The following KAZN variants were observed in gnomAD, a reference collection of about 807,000 sequenced individuals.
KAZN encodes kazrin.
KAZN carries 40 observed loss-of-function variants against 87.4 expected under a neutral mutation model. That is an observed-to-expected ratio of 0.46 (90% CI 0.36 to 0.60). The LOEUF (loss-of-function observed/expected upper bound fraction) is 0.60, where lower values mean the gene tolerates loss of function less well. Among genes scored for constraint, KAZN ranks in the 20% least tolerant of loss-of-function variants. The pLI, the probability that KAZN is intolerant of heterozygous loss-of-function variation, is 0.00. For missense variants in KAZN, 898 were observed against 1,073.9 expected, an observed-to-expected ratio of 0.84 and a Z score of 2.29; for synonymous variants, 466 against 458.3, an observed-to-expected ratio of 1.02 and a Z score of -0.22.
In KAZN at chr1:14,711,341, C is replaced by CAA. The variant is rs544767393; in HGVS notation, c.226+112133_226+112134dup. Among the ~76,000 whole-genome samples the CAA allele has an allele frequency of 4.7e-3, 539 of 114,754 alleles. 6 individuals are homozygous for CAA. The highest frequency in any genetic ancestry group is 0.016 in the African/African-American group (519 of 32,066). 75.3% of individuals were successfully genotyped at this position (114,754 alleles called of 152,430 possible). ...GGGCAATATAGAAAGACTCTGTTTC[C>CAA]AAAAAAAAAAAAAAAATTGAGGGAA... On this transcript the variant is annotated intron_variant, in intron 1 of 14. Coordinates refer to ENST00000376030, the MANE Select transcript of KAZN (RefSeq NM_201628.3).
At position 14,286,422 on chromosome 1, in the gene KAZN, G is replaced by C. The variant is rs115479372; in HGVS notation, c.249+105830G>C. 5.2e-3 allele frequency among the ~76,000 whole-genome samples: 793 copies of C among 152,292 alleles called. 7 individuals carry two copies. Among genetic ancestry groups the C allele is most frequent in the African/African-American group, 0.018 (743 of 41,550 alleles). On this transcript the variant is annotated intron_variant, in intron 2 of 16. Transcript: ENST00000636203. ...GGGTCAGGACTTCAAGTGGCACTAA[G>C]GACAAGCCAGGCAAGAGGTCAGGCT...
intron 1 of KAZN, among the ~76,000 whole-genome samples, chr1:14,934,133 G>T (rs1660171891): frequency 6.6e-6 from 1 of 151,790 alleles, no homozygotes; most frequent in Non-Finnish European, 1.5e-5. Context: ...GGGATTACAG[G>T]CGTGAGCCAC....
chr1:15,066,385 G>T lies in KAZN; in HGVS notation c.1222+632G>T. The stretch of plus-strand genomic sequence containing the variant: ...TGGGACCAGACCCTGTCCTGGGGGT[G>T]CGCCCAAGTCACTTTAACCACAAAA... On this transcript the variant is annotated intron_variant, in intron 8 of 14. Transcript: ENST00000376030. The surrounding 1 kb of genome is among the most constrained non-coding windows in gnomAD (Gnocchi z 4.3). 1 of 984,670 alleles carries T rather than the reference G, an allele frequency of 1.0e-6. No individual in the cohort carries two copies. The highest frequency in any genetic ancestry group is 1.2e-6 in the Non-Finnish European group (1 of 829,890). The allele number at this position is 984,670 out of a possible 1,614,324, so 61.0% of individuals were successfully genotyped here.
chr1:14,473,542 G>A (rs150144387), intron 2 of KAZN, among the ~76,000 whole-genome samples: 384 of 151,426 alleles, frequency 2.5e-3, no homozygotes, highest in African/African-American at 8.9e-3. Context: ...CAGGAGAATC[G>A]CTTGAACCGG....
chr1:14,875,758 A>G (rs1409989508), intron 1 of KAZN, among the ~76,000 whole-genome samples: 2 of 152,160 alleles, frequency 1.3e-5, no homozygotes, highest in African/African-American at 2.4e-5. Flanking sequence ...CCTTCGCCCA[A>G]CCCTCCACAG....
At chr1:14,443,826 T>G (rs901186155) in intron 2 of KAZN, among the ~76,000 whole-genome samples, 1 of 152,220 alleles carries the variant, frequency 6.6e-6, no homozygotes, top group African/African-American at 2.4e-5. Flanking sequence ...TATAGCAGCA[T>G]TTTGCTATAA....
intron 1 of KAZN, among the ~76,000 whole-genome samples, chr1:14,946,975 G>A (rs978115063): frequency 6.6e-6 from 1 of 152,164 alleles, no homozygotes; most frequent in African/African-American, 2.4e-5. Flanking sequence ...AGCTAGACAC[G>A]GGAGAACCTG....
chr1:15,088,997 GCA>G lies in KAZN; in HGVS notation c.1223-5175_1223-5174del, dbSNP rs1256821502. ...CACTCACAAAGACACACAGGCACAC[GCA>G]CACACACGCTCACATTGCACACCAG... On this transcript the variant is annotated intron_variant, in intron 8 of 14. Coordinates refer to ENST00000376030, the MANE Select transcript of KAZN (RefSeq NM_201628.3). Among the ~76,000 whole-genome samples, 3 of 151,830 alleles carry G rather than the reference GCA, an allele frequency of 2.0e-5. No homozygotes were observed. In the East Asian group the frequency reaches 5.8e-4, roughly 30 times the overall value.
At position 14,203,638 on chromosome 1, in the gene KAZN, G is replaced by A. The variant is rs77513644; in HGVS notation, c.249+23046G>A. Among the ~76,000 whole-genome samples, 1,084 of 152,294 alleles carry A rather than the reference G, an allele frequency of 7.1e-3. 13 individuals carry two copies. Among genetic ancestry groups the A allele is most frequent in the African/African-American group, 0.025 (1,043 of 41,546 alleles). ...TTGACTCGAGAGTCCAGGGCCTTCTGAAAAGGTGGCCTTCACTAAAAACAA... is the reference window on the plus strand; with the variant it reads ...TTGACTCGAGAGTCCAGGGCCTTCTAAAAAGGTGGCCTTCACTAAAAACAA... On this transcript the variant is annotated intron_variant, in intron 2 of 16. Coordinates refer to the KAZN transcript ENST00000636203.
chr1:14,256,131 T>G (rs966853954), intron 2 of KAZN, among the ~76,000 whole-genome samples: 1 of 152,214 alleles, frequency 6.6e-6, no homozygotes, highest in Non-Finnish European at 1.5e-5. Context: ...AACCTATTAC[T>G]AAGTTCTTTT....
At chr1:14,502,023 T>C (rs1376970031) in intron 2 of KAZN, among the ~76,000 whole-genome samples, 1 of 152,202 alleles carries the variant, frequency 6.6e-6, no homozygotes, top group African/African-American at 2.4e-5. Context: ...TGAAGAAGTT[T>C]TGAAATTAGT....
chr1:14,250,315 A>G (rs1649904016), intron 2 of KAZN, among the ~76,000 whole-genome samples: 1 of 151,862 alleles, frequency 6.6e-6, no homozygotes. Flanking sequence ...AAATACACTC[A>G]TTTTCCACAT....
intron 2 of KAZN, among the ~76,000 whole-genome samples, chr1:14,362,284 A>G (rs1250752765): frequency 6.6e-6 from 1 of 152,192 alleles, no homozygotes; most frequent in Non-Finnish European, 1.5e-5. Context: ...CTTGGACAAA[A>G]GGCCTCAGTT....
intron 2 of KAZN, among the ~76,000 whole-genome samples, chr1:14,509,458 G>T (rs529571971): frequency 6.6e-6 from 1 of 152,296 alleles, no homozygotes; most frequent in Non-Finnish European, 1.5e-5. Flanking sequence ...TCACCAAATG[G>T]GTGAAACTGC....
chr1:14,669,276 G>T (rs140870868), intron 1 of KAZN, among the ~76,000 whole-genome samples: 2,443 of 152,268 alleles, frequency 0.016, 27 homozygotes, highest in Non-Finnish European at 0.026. Flanking sequence ...CTGTGAGCTG[G>T]CTGAGTGCTC....
At chr1:14,541,210 A>G (rs1383231538) in intron 2 of KAZN, among the ~76,000 whole-genome samples, 1 of 152,186 alleles carries the variant, frequency 6.6e-6, no homozygotes, top group East Asian at 1.9e-4. Context: ...CTACGCTTCA[A>G]CTTCCCCCAA....
chr1:14,758,162 C>CTCT, intron 1 of KAZN, among the ~76,000 whole-genome samples: 1 of 151,836 alleles, frequency 6.6e-6, no homozygotes, highest in Non-Finnish European at 1.5e-5. Flanking sequence ...TTCCTCCCTC[C>CTCT]CTCCCTCCAT....
At position 14,951,927 on chromosome 1, in the gene KAZN, A is replaced by G. The variant is rs116635882; in HGVS notation, c.227-8757A>G. On this transcript the variant is annotated intron_variant, in intron 1 of 14. Transcript: ENST00000376030. ...AGTGGTGGCCAAGGGAGCACTCACA[A>G]CCTCCTAGGTGCTGCTGGACCAGTG... Among the ~76,000 whole-genome samples, 1,001 of 152,154 alleles carry G rather than the reference A, an allele frequency of 6.6e-3. 11 individuals are homozygous for G. Among genetic ancestry groups the G allele is most frequent in the African/African-American group, 0.023 (953 of 41,496 alleles).
At chr1:13,974,792 C>T (rs1436601374) in intron 1 of KAZN, among the ~76,000 whole-genome samples, 1 of 152,140 alleles carries the variant, frequency 6.6e-6, no homozygotes, top group Non-Finnish European at 1.5e-5. Flanking sequence ...TTTAAGCCAC[C>T]TATTTTGTGG....
Sources: allele counts gnomAD v4.1 joint callset (sites outside exome capture counted in the v4.1 genomes callset), GRCh38; gene constraint gnomAD v4.1.1; non-coding constraint Gnocchi (gnomAD v3.1); transcripts MANE v1.5; gene names NCBI Gene and HGNC (gene_info 2026-07-23, HGNC 2026-07-21).